The following DDX31 variants were observed in gnomAD, a reference collection of about 807,000 sequenced individuals.
DDX31 encodes ATP-dependent DNA helicase DDX31.
Under a neutral mutation model 91.3 loss-of-function variants are expected in DDX31, and 70 were observed. The ratio of observed to expected loss-of-function variants is 0.77; its 90% CI spans 0.63 to 0.94. The LOEUF (loss-of-function observed/expected upper bound fraction) is 0.94. Among genes scored for constraint, DDX31 ranks in the 40% least tolerant of loss-of-function variants. DDX31 has a pLI of 0.00. For synonymous variants in DDX31, 362 were observed against 350.6 expected (o/e 1.03, Z -0.36); for missense variants, 902 against 925.0 (o/e 0.98, Z 0.32).
chr9:132,656,510 C>T (rs746174000), intron 6 of DDX31, among the ~76,000 whole-genome samples: 14 of 152,006 alleles, frequency 9.2e-5, no homozygotes, highest in Non-Finnish European at 1.6e-4. Context: ...CAACACTGCA[C>T]ATGCATTAGC....
At chr9:132,654,612 C>CAAACA (rs762810467) in intron 6 of DDX31, among the ~76,000 whole-genome samples, 57 of 151,802 alleles carry the variant, frequency 3.8e-4, no homozygotes, top group African/African-American at 6.5e-4. Flanking sequence ...GACTTCATCT[C>CAAACA]AAACAAAACA....
At chr9:132,625,823 T>G in intron 16 of DDX31, 78 bp from the exon 17 acceptor site, 1 of 1,051,068 alleles carries the variant, frequency 9.5e-7, no homozygotes, top group Non-Finnish European at 1.5e-6. Flanking sequence ...AAAACTGGCC[T>G]ATTCTTGAGC....
intron 19 of DDX31, among the ~76,000 whole-genome samples, chr9:132,601,420 C>T (rs1830714521): frequency 6.6e-6 from 1 of 152,290 alleles, no homozygotes; most frequent in South Asian, 2.1e-4. Context: ...GCCCAGTGGA[C>T]AGTGGTGCCA....
intron 17 of DDX31, among the ~76,000 whole-genome samples, chr9:132,619,271 T>C (rs1411411399): frequency 6.6e-6 from 1 of 152,230 alleles, no homozygotes; most frequent in Admixed American, 6.5e-5. Flanking sequence ...ATGAGTGCTT[T>C]CTACTGAATG....
At chr9:132,608,157 T>G (rs1831125568) in intron 19 of DDX31, among the ~76,000 whole-genome samples, 1 of 152,238 alleles carries the variant, frequency 6.6e-6, no homozygotes, top group Non-Finnish European at 1.5e-5. Context: ...GTTTTCGTGA[T>G]GGATGTTGCT....
intron 14 of DDX31, among the ~76,000 whole-genome samples, chr9:132,636,256 G>A (rs1833107725): frequency 6.6e-6 from 1 of 152,232 alleles, no homozygotes; most frequent in Non-Finnish European, 1.5e-5. Flanking sequence ...TGATGCCTTT[G>A]AGAACACAAT....
chr9:132,632,934 T>C (rs1026949705), intron 14 of DDX31, among the ~76,000 whole-genome samples: 2 of 152,222 alleles, frequency 1.3e-5, no homozygotes, highest in Non-Finnish European at 2.9e-5. Flanking sequence ...GGAATTTCCC[T>C]GACTTTAGCA....
At chr9:132,658,433 G>A (rs1162762859) in intron 6 of DDX31, 17 of 695,442 alleles carry the variant, frequency 2.4e-5, no homozygotes, top group Admixed American at 4.1e-5. Context: ...CCTGACACAC[G>A]GGGAGCATCT....
intron 19 of DDX31, among the ~76,000 whole-genome samples, chr9:132,609,795 T>C (rs1831225273): frequency 6.6e-6 from 1 of 151,970 alleles, no homozygotes; most frequent in African/African-American, 2.4e-5. Context: ...CTGATTTTTG[T>C]AGTTTTGGTA....
intron 12 of DDX31, 132 bp from the exon 13 acceptor site, chr9:132,646,203 A>T: frequency 1.0e-6 from 1 of 978,682 alleles, no homozygotes; most frequent in Non-Finnish European, 1.5e-6. Flanking sequence ...TGAATTATTT[A>T]AAAAAACAAA....
intron 17 of DDX31, among the ~76,000 whole-genome samples, chr9:132,619,147 A>G (rs182744977): frequency 6.6e-6 from 1 of 152,384 alleles, no homozygotes; most frequent in Admixed American, 6.5e-5. Context: ...AAATGTTAAT[A>G]AAATAGACAA....
intron 6 of DDX31, among the ~76,000 whole-genome samples, chr9:132,656,315 CTG>C (rs1320563926): frequency 6.6e-6 from 1 of 152,168 alleles, no homozygotes; most frequent in Non-Finnish European, 1.5e-5. Context: ...GCTTGGAAAA[CTG>C]TGTTTCTACA....
chr9:132,643,104 G>A (rs1044268912), intron 13 of DDX31, among the ~76,000 whole-genome samples: 12 of 152,314 alleles, frequency 7.9e-5, no homozygotes, highest in African/African-American at 2.6e-4. Flanking sequence ...GATTACAGGC[G>A]TGAGCCACCT....
At position 132,648,299 on chromosome 9, in the gene DDX31, T is replaced by C; in HGVS notation, c.861-4A>G. On this transcript the variant is annotated splice_polypyrimidine_tract_variant and splice_region_variant and intron_variant, in intron 10 of 19. Transcript: ENST00000372159. ...TTCAAAACCCAAATCCAAGATTCTG[T>C]GATTGTAAAAAAAAAAAGAAATTTT... The C allele has an allele frequency of 6.2e-7, 1 of 1,605,268 alleles. No individual in the cohort carries two copies. The highest frequency in any genetic ancestry group is 8.5e-7 in the Non-Finnish European group (1 of 1,177,574).
chr9:132,650,390 G>T, intron 8 of DDX31, 92 bp from the exon 9 acceptor site: 1 of 1,194,904 alleles, frequency 8.4e-7, no homozygotes, highest in South Asian at 1.2e-5. Flanking sequence ...AACAAGGCAT[G>T]GGAGAAAACT....
At chr9:132,660,252 T>A (rs988436055) in intron 4 of DDX31, among the ~76,000 whole-genome samples, 1 of 151,396 alleles carries the variant, frequency 6.6e-6, no homozygotes, top group Non-Finnish European at 1.5e-5. Flanking sequence ...GGAGAATCGC[T>A]TGAACCTGGG....
chr9:132,611,059 G>C (rs1831307174), intron 19 of DDX31, among the ~76,000 whole-genome samples: 1 of 152,212 alleles, frequency 6.6e-6, no homozygotes, highest in South Asian at 2.1e-4. Context: ...AGGAAGCACA[G>C]AGTGGTCCTT....
intron 18 of DDX31, among the ~76,000 whole-genome samples, chr9:132,616,821 G>A (rs1280917547): frequency 1.3e-5 from 2 of 152,168 alleles, no homozygotes; most frequent in African/African-American, 4.8e-5. Flanking sequence ...CAATTACGGG[G>A]ACTTCATCTT....
At chr9:132,668,664 T>TTC (rs1321651627) in intron 1 of DDX31, among the ~76,000 whole-genome samples, 3 of 151,608 alleles carry the variant, frequency 2.0e-5, no homozygotes, top group Non-Finnish European at 2.9e-5. Context: ...GCCTCCTGGG[T>TTC]TCACGCCATT....
Sources: allele counts gnomAD v4.1 joint callset (sites outside exome capture counted in the v4.1 genomes callset), GRCh38; gene constraint gnomAD v4.1.1; transcripts MANE v1.5; gene names NCBI Gene and HGNC (gene_info 2026-07-23, HGNC 2026-07-21).